CCSER1: variants seen among roughly 807,000 people sequenced by gnomAD.
CCSER1 encodes the protein coiled-coil serine rich protein 1.
Under a neutral mutation model 82.0 loss-of-function variants are expected in CCSER1, and 41 were observed. The observed-to-expected ratio is 0.50, with a 90% CI of 0.39 to 0.65. CCSER1 has a LOEUF of 0.65. Among genes scored for constraint, CCSER1 ranks in the 30% least tolerant of loss-of-function variants. The probability of loss-of-function intolerance (pLI) is 0.00; values close to 1 mark genes in which losing one functional copy is unlikely to be tolerated. For missense variants in CCSER1, 1,119 were observed against 1,064.2 expected (o/e 1.05, Z -0.72); for synonymous variants, 414 against 383.9 (o/e 1.08, Z -0.92).
At chr4:90,316,222 G>A (rs1736137030) in intron 3 of CCSER1, among the ~76,000 whole-genome samples, 1 of 152,158 alleles carries the variant, frequency 6.6e-6, no homozygotes, top group African/African-American at 2.4e-5. Context: ...TAAGCAGGTT[G>A]CCTAAAATGA....
At chr4:91,365,769 A>G (rs999465264) in intron 10 of CCSER1, among the ~76,000 whole-genome samples, 2 of 152,032 alleles carry the variant, frequency 1.3e-5, no homozygotes, top group African/African-American at 4.8e-5. Context: ...TCAGAGGGAG[A>G]TCTGCATGAA....
intron 10 of CCSER1, among the ~76,000 whole-genome samples, chr4:91,179,889 AT>A (rs1733831728): frequency 6.6e-6 from 1 of 152,114 alleles, no homozygotes; most frequent in Non-Finnish European, 1.5e-5. Flanking sequence ...AGGCGCTCTG[AT>A]TTTTAGAATT....
intron 10 of CCSER1, among the ~76,000 whole-genome samples, chr4:91,423,088 T>C (rs911037179): frequency 1.3e-5 from 2 of 152,100 alleles, no homozygotes; most frequent in Admixed American, 6.5e-5. Flanking sequence ...TTTTATTTCA[T>C]TAGAAAAACA....
chr4:90,251,279 T>C (rs1181325924), intron 1 of CCSER1, among the ~76,000 whole-genome samples: 1 of 151,958 alleles, frequency 6.6e-6, no homozygotes, highest in East Asian at 1.9e-4. Flanking sequence ...TGAATAAATA[T>C]GATGATATTG....
At chr4:91,565,768 A>G (rs1578804510) in intron 10 of CCSER1, among the ~76,000 whole-genome samples, 1 of 152,010 alleles carries the variant, frequency 6.6e-6, no homozygotes, top group African/African-American at 2.4e-5. Context: ...AAATTTGCTG[A>G]AGTTGTTTAT....
At chr4:91,413,557 G>T (rs544993073) in intron 10 of CCSER1, among the ~76,000 whole-genome samples, 26 of 151,890 alleles carry the variant, frequency 1.7e-4, no homozygotes, top group Admixed American at 1.4e-3. Flanking sequence ...AGGGACCTAT[G>T]GGACACCATG....
chr4:90,158,787 T>C (rs183332520), intron 1 of CCSER1, among the ~76,000 whole-genome samples: 1 of 152,100 alleles, frequency 6.6e-6, no homozygotes, highest in East Asian at 1.9e-4. Flanking sequence ...TGTCACCCCT[T>C]TCTTTGACTA....
intron 9 of CCSER1, among the ~76,000 whole-genome samples, chr4:91,032,189 T>C (rs1331718573): frequency 1.3e-5 from 2 of 152,168 alleles, no homozygotes; most frequent in Non-Finnish European, 2.9e-5. Context: ...ATTACTTACA[T>C]GTTATACATT....
chr4:90,608,710 T>C (rs1238538907), intron 5 of CCSER1, among the ~76,000 whole-genome samples: 1 of 152,190 alleles, frequency 6.6e-6, no homozygotes, highest in African/African-American at 2.4e-5. Flanking sequence ...ACTCCTAATA[T>C]GTATAATATT....
intron 9 of CCSER1, among the ~76,000 whole-genome samples, chr4:91,038,613 G>C (rs1442498511): frequency 6.6e-6 from 1 of 152,142 alleles, no homozygotes; most frequent in Admixed American, 6.6e-5. Flanking sequence ...TCCTGGACTT[G>C]ATATTCCAAT....
intron 1 of CCSER1, among the ~76,000 whole-genome samples, chr4:90,296,435 T>C (rs1371373453): frequency 6.6e-6 from 1 of 152,184 alleles, no homozygotes; most frequent in Non-Finnish European, 1.5e-5. Flanking sequence ...TCTCCTATTC[T>C]GTAGGTTGCC....
At chr4:90,889,247 A>G (rs1270864049) in intron 8 of CCSER1, among the ~76,000 whole-genome samples, 1 of 152,172 alleles carries the variant, frequency 6.6e-6, no homozygotes, top group Non-Finnish European at 1.5e-5. Flanking sequence ...AATACAGAGA[A>G]TCTCGGAACC....
At chr4:91,036,542 G>A (rs1434828258) in intron 9 of CCSER1, among the ~76,000 whole-genome samples, 1 of 152,046 alleles carries the variant, frequency 6.6e-6, no homozygotes, top group Non-Finnish European at 1.5e-5. Flanking sequence ...ATTTGTTCAA[G>A]ACAGAAACCA....
intron 10 of CCSER1, among the ~76,000 whole-genome samples, chr4:91,175,675 A>C (rs77868573): frequency 0.36 from 54,774 of 151,714 alleles, 11,138 homozygotes; most frequent in Non-Finnish European, 0.46. Flanking sequence ...GCGTTGTTTC[A>C]TTTTTTTCTT....
chr4:90,245,086 C>T (rs560699722), intron 1 of CCSER1, among the ~76,000 whole-genome samples: 13 of 152,138 alleles, frequency 8.5e-5, no homozygotes, highest in East Asian at 1.9e-4. Context: ...GGCATCAAAA[C>T]GATGCACAAC....
chr4:91,103,274 C>T (rs562935443), intron 10 of CCSER1, among the ~76,000 whole-genome samples: 3 of 152,310 alleles, frequency 2.0e-5, no homozygotes, highest in Admixed American at 6.5e-5. Flanking sequence ...GGTCGTCACT[C>T]AGCCCCATGA....
At chr4:91,410,931 C>T (rs1752984163) in intron 10 of CCSER1, among the ~76,000 whole-genome samples, 1 of 151,962 alleles carries the variant, frequency 6.6e-6, no homozygotes. Flanking sequence ...TTTTAGTGAT[C>T]TTAGCATCAT....
At chr4:90,694,529 C>A (rs1212221261) in intron 6 of CCSER1, among the ~76,000 whole-genome samples, 2 of 152,020 alleles carry the variant, frequency 1.3e-5, no homozygotes, top group Non-Finnish European at 2.9e-5. Context: ...CATTACATTT[C>A]TTTGCTATTC....
At chr4:90,282,229 T>A (rs922763474) in intron 1 of CCSER1, among the ~76,000 whole-genome samples, 7 of 151,934 alleles carry the variant, frequency 4.6e-5, no homozygotes, top group Non-Finnish European at 1.0e-4. Flanking sequence ...AAGCTTTTAC[T>A]CCAATTTGAC....
Sources: gnomAD v4.1 joint callset for allele counts (sites outside exome capture counted in the v4.1 genomes callset) on GRCh38, gnomAD v4.1.1 for gene constraint, MANE v1.5 for transcripts, NCBI Gene and HGNC (gene_info 2026-07-23, HGNC 2026-07-21) for gene names.